SMIM13: variants seen among roughly 807,000 people sequenced by gnomAD.
SMIM13 encodes the protein UPF0766 protein C6orf228.
SMIM13 carries 3 observed loss-of-function variants against 5.9 expected under a neutral mutation model. The observed-to-expected ratio is 0.51, with a 90% CI of 0.23 to 1.31. SMIM13 has a LOEUF of 1.31. Ranked by LOEUF, SMIM13 falls within the 40% of genes most tolerant of loss-of-function variation. SMIM13 has a pLI of 0.18. For synonymous variants in SMIM13, 55 were observed against 46.0 expected, an observed-to-expected ratio of 1.19 and a Z score of -0.79; for missense variants, 85 against 109.9, an observed-to-expected ratio of 0.77 and a Z score of 1.01.
intron 1 of SMIM13, among the ~76,000 whole-genome samples, chr6:11,133,683 T>C (rs7758394): frequency 0.017 from 2,626 of 152,234 alleles, 69 homozygotes; most frequent in African/African-American, 0.06. Flanking sequence ...TTAATGTTTG[T>C]TCCTTATTAG....
At chr6:11,099,004 A>AT (rs1757959409) in intron 1 of SMIM13, among the ~76,000 whole-genome samples, 1 of 152,192 alleles carries the variant, frequency 6.6e-6, no homozygotes, top group Non-Finnish European at 1.5e-5. Context: ...GTATGAGAAG[A>AT]TTCTATTTTT....
Position 11,137,072 on chromosome 6 carries a change from G to GTTA in SMIM13, c.*2471_*2473dup, listed in dbSNP as rs1281502008. 1 of 152,052 alleles carries GTTA rather than the reference G, an allele frequency of 6.6e-6. No individual in the cohort carries two copies. Among genetic ancestry groups the GTTA allele is most frequent in the Non-Finnish European group, 1.5e-5 (1 of 67,962 alleles). The allele number at this position is 152,052 out of a possible 1,614,324, so 9.4% of individuals were successfully genotyped here. On this transcript the variant is annotated 3_prime_UTR_variant, in exon 2 of 2. Transcript: ENST00000416247. ...AAGGGTCATGCCCAAATTAATACAGGTTAACCTTTGTAGAGGTATATATGT... is the reference window on the plus strand; with the variant it reads ...AAGGGTCATGCCCAAATTAATACAGGTTATTAACCTTTGTAGAGGTATATATGT...
At chr6:11,103,330 T>G in intron 1 of SMIM13, 4 of 195,540 alleles carry the variant, frequency 2.0e-5, no homozygotes, top group African/African-American at 2.3e-5. Context: ...CTGCCACTCA[T>G]TATTATGTTA....
At chr6:11,103,904 A>G in intron 1 of SMIM13, 1 of 1,551,608 alleles carries the variant, frequency 6.4e-7, no homozygotes, top group Non-Finnish European at 8.7e-7. Context: ...AATTTAACCA[A>G]CCCTGAGTGG....
At chr6:11,103,422 C>G in intron 1 of SMIM13, 1 of 425,776 alleles carries the variant, frequency 2.3e-6, no homozygotes, top group African/African-American at 1.9e-5. Flanking sequence ...CTGCCCTGCT[C>G]ATGTCTGACT....
intron 1 of SMIM13, among the ~76,000 whole-genome samples, chr6:11,130,267 A>AAAC (rs55970005): frequency 0.023 from 3,345 of 145,674 alleles, 47 homozygotes; most frequent in African/African-American, 0.038. Context: ...AAAAAAAAAA[A>AAAC]AACAACAACA....
At chr6:11,120,013 G>A (rs1758290504) in intron 1 of SMIM13, among the ~76,000 whole-genome samples, 1 of 152,156 alleles carries the variant, frequency 6.6e-6, no homozygotes, top group Non-Finnish European at 1.5e-5. Flanking sequence ...TCTCATAGAT[G>A]AGCCTTTGCT....
At chr6:11,096,465 T>C (rs1055488545) in intron 1 of SMIM13, among the ~76,000 whole-genome samples, 2 of 152,194 alleles carry the variant, frequency 1.3e-5, no homozygotes. Flanking sequence ...AACTAAAAGC[T>C]CTATGATGAA....
intron 1 of SMIM13, among the ~76,000 whole-genome samples, chr6:11,133,430 A>G (rs1758475208): frequency 6.6e-6 from 1 of 152,162 alleles, no homozygotes. Context: ...CCCCTTACGT[A>G]TCTGTTTATC....
intron 1 of SMIM13, among the ~76,000 whole-genome samples, chr6:11,117,158 T>C (rs1479716888): frequency 7.3e-6 from 1 of 136,646 alleles, no homozygotes; most frequent in African/African-American, 2.8e-5. Flanking sequence ...GCCCGGCTAA[T>C]TTTTGTATTT....
intron 1 of SMIM13, among the ~76,000 whole-genome samples, chr6:11,133,798 T>C (rs1758482573): frequency 6.7e-6 from 1 of 148,598 alleles, no homozygotes; most frequent in Non-Finnish European, 1.5e-5. Flanking sequence ...GATGTGAAAA[T>C]ATCGTATTTT....
intron 1 of SMIM13, chr6:11,104,764 C>G (rs1177130634): frequency 6.2e-7 from 1 of 1,614,092 alleles, no homozygotes; most frequent in South Asian, 1.1e-5. Context: ...AGCAAAGTTC[C>G]CTGAGGAAAA....
Position 11,136,395 on chromosome 6 carries a change from T to G in SMIM13, c.*1793T>G, listed in dbSNP as rs1758517974. The G allele has an allele frequency of 6.6e-6, 1 of 152,208 alleles. No individual in the cohort carries two copies. Among genetic ancestry groups the G allele is most frequent in the African/African-American group, 2.4e-5 (1 of 41,454 alleles). 9.4% of individuals were successfully genotyped at this position (152,208 alleles called of 1,614,324 possible). ...GAATGAAGTGCAAAGCCAACTTACT[T>G]TATTAATCCAAGTTCTTTTTATGTT... On this transcript the variant is annotated 3_prime_UTR_variant, in exon 2 of 2. Coordinates refer to ENST00000416247, the MANE Select transcript of SMIM13 (RefSeq NM_001135575.2).
At chr6:11,120,230 C>G (rs977463924) in intron 1 of SMIM13, among the ~76,000 whole-genome samples, 1 of 152,088 alleles carries the variant, frequency 6.6e-6, no homozygotes, top group East Asian at 1.9e-4. Context: ...ACTGAAAATA[C>G]CTTGGGTAGT....
chr6:11,094,677 C>T (rs769926621), intron 1 of SMIM13, among the ~76,000 whole-genome samples: 8 of 152,166 alleles, frequency 5.3e-5, no homozygotes, highest in Non-Finnish European at 1.0e-4. Context: ...TCATTCTCAC[C>T]ACAGGCTGCC....
At chr6:11,104,812 G>C (rs776530304) in intron 1 of SMIM13, 2 of 1,614,068 alleles carry the variant, frequency 1.2e-6, no homozygotes, top group Non-Finnish European at 1.7e-6. Context: ...GGTTGATGGC[G>C]GAATTGGTTG....
Position 11,136,087 on chromosome 6 carries a change from T to C in SMIM13, c.*1485T>C, listed in dbSNP as rs1758514975. ...GGAATCTAAGAACTATCTTCTACTTTAGGAAGAGTGGGATTAGTTACTCCC... is the reference window on the plus strand; with the variant it reads ...GGAATCTAAGAACTATCTTCTACTTCAGGAAGAGTGGGATTAGTTACTCCC... On this transcript the variant is annotated 3_prime_UTR_variant, in exon 2 of 2. Transcript: ENST00000416247. The C allele has an allele frequency of 6.6e-6, 1 of 152,188 alleles. No individual in the cohort carries two copies. Among genetic ancestry groups the C allele is most frequent in the South Asian group, 2.1e-4 (1 of 4,832 alleles). The allele number at this position is 152,188 out of a possible 1,614,324, so 9.4% of individuals were successfully genotyped here.
In SMIM13 at chr6:11,119,382, C is replaced by T. The variant is rs574924764; in HGVS notation, c.77-15021C>T. Among the ~76,000 whole-genome samples, 16 of 152,180 alleles carry T rather than the reference C, an allele frequency of 1.1e-4. No homozygotes were observed. In the East Asian group the frequency reaches 2.9e-3, roughly 28 times the overall value. On this transcript the variant is annotated intron_variant, in intron 1 of 1. Coordinates refer to ENST00000416247, the MANE Select transcript of SMIM13 (RefSeq NM_001135575.2). The stretch of plus-strand genomic sequence containing the variant: ...GAAAATTTGGTCCTCGGGCCGGGCT[C>T]GGTGGCTCACGCCTGTAATCCCAGC...
chr6:11,113,369 C>T (rs1758195312), intron 1 of SMIM13, among the ~76,000 whole-genome samples: 1 of 152,194 alleles, frequency 6.6e-6, no homozygotes, highest in African/African-American at 2.4e-5. Context: ...TCATTAATGA[C>T]TAATTATTTT....
Sources: gnomAD v4.1 joint callset for allele counts (sites outside exome capture counted in the v4.1 genomes callset) on GRCh38, gnomAD v4.1.1 for gene constraint, MANE v1.5 for transcripts, NCBI Gene and HGNC (gene_info 2026-07-23, HGNC 2026-07-21) for gene names.